The following VWA5B2 variants were observed in gnomAD, a reference collection of about 807,000 sequenced individuals.
VWA5B2 encodes the protein von Willebrand factor A domain-containing protein 5B2.
In VWA5B2, 93 loss-of-function variants were observed where a neutral mutation model predicts 118.5. The ratio of observed to expected loss-of-function variants is 0.79; its 90% CI spans 0.66 to 0.93. The LOEUF is 0.93. Ranked by LOEUF, VWA5B2 falls within the 40% of genes least tolerant of loss-of-function variation. VWA5B2 has a pLI of 0.00. For synonymous variants in VWA5B2, 708 were observed against 716.3 expected, an observed-to-expected ratio of 0.99 and a Z score of 0.19; for missense variants, 1,546 against 1,672.8, an observed-to-expected ratio of 0.92 and a Z score of 1.32.
rs1216876092 is a variant in VWA5B2, at chr3:184,233,422, G to A, written c.530+25G>A. 19 of 1,505,988 alleles carry A rather than the reference G, an allele frequency of 1.3e-5. No homozygotes were observed. Among genetic ancestry groups the A allele is most frequent in the South Asian group, 5.2e-5 (4 of 76,616 alleles). 93.3% of individuals were successfully genotyped at this position (1,505,988 alleles called of 1,614,324 possible). ...GGTTGGGCCTATGGTGATTCTCTTC[G>A]TCCCTCCCTCGGCTTCTCTGGGTCT... On this transcript the variant is annotated intron_variant, in intron 4 of 19. Transcript: ENST00000691901. This position sits in a 1 kb window ranked among gnomAD's most constrained non-coding sequence, Gnocchi z 5.2.
Position 184,238,511 on chromosome 3 carries a change from G to A in VWA5B2, c.1891+37G>A. 1 of 1,535,862 alleles carries A rather than the reference G, an allele frequency of 6.5e-7. No homozygotes were observed. Among genetic ancestry groups the A allele is most frequent in the Non-Finnish European group, 8.8e-7 (1 of 1,135,160 alleles). On this transcript the variant is annotated intron_variant, in intron 13 of 19. Transcript: ENST00000691901. This position sits in a 1 kb window ranked among gnomAD's most constrained non-coding sequence, Gnocchi z 5.0. ...GGTGTATGTGTGTGGCTGTATTGGA[G>A]TGGGCGCTGGGAGGGGTCAGGGCTA...
At chr3:184,230,330 G>C in intron 1 of VWA5B2, 50 bp from the exon 2 acceptor site, 1 of 573,816 alleles carries the variant, frequency 1.7e-6, no homozygotes, top group Non-Finnish European at 2.7e-6. Flanking sequence ...TGCCCTCCTC[G>C]CCACCACGCC....
At position 184,241,086 on chromosome 3, in the gene VWA5B2, C is replaced by T; in HGVS notation, c.2941C>T (p.Pro981Ser). 1 of 1,551,762 alleles carries T rather than the reference C, an allele frequency of 6.4e-7. No individual in the cohort carries two copies. Among genetic ancestry groups the T allele is most frequent in the Non-Finnish European group, 8.7e-7 (1 of 1,147,006 alleles). ...SHSHLDAAPL[P>S]TVVYSKGLQR... ...CAGCCATCTAGATGCAGCTCCTCTG[C>T]CCACTGTTGTCTACTCTAAAGGTAA... is the stretch of plus-strand genomic sequence containing the variant. Residue 981 changes from proline (P) to serine (S), a missense_variant, in exon 18 of 20, where the codon CCC becomes TCC. Physicochemically the swap from Pro to Ser is moderately conservative, Grantham distance 74 (BLOSUM62 -1). This residue lies in a region of VWA5B2 where 763 missense variants were observed against 766.6 expected (regional missense o/e 1.00). Transcript: ENST00000691901. This position sits in a 1 kb window ranked among gnomAD's most constrained non-coding sequence, Gnocchi z 5.1.
chr3:184,241,524 T>G lies in VWA5B2; in HGVS notation c.3215T>G (p.Leu1072Arg). 1.9e-6 allele frequency: 3 copies of G among 1,550,346 alleles called. No homozygotes were observed. The highest frequency in any genetic ancestry group is 2.6e-6 in the Non-Finnish European group (3 of 1,146,870). ...CAGGAGGCACCAGGCTCCTTCCGCC[T>G]GGACGCGCCCTTCTGCGCCGCTGTG... ...RLQEAPGSFR[L>R]DAPFCAAVRI... is the part of the protein sequence containing the mutation. Residue 1072 changes from leucine (L) to arginine (R), a missense_variant, in exon 20 of 20, where the codon CTG (leucine) becomes CGG (arginine). By Grantham distance (102) the Leu-to-Arg change is moderately radical. Coordinates refer to ENST00000691901, the MANE Select transcript of VWA5B2 (RefSeq NM_001390846.1). This position sits in a 1 kb window ranked among gnomAD's most constrained non-coding sequence, Gnocchi z 5.1.
rs1717699534 is a variant in VWA5B2 at position 184,234,102 on chromosome 3, T to C, written c.689-164T>C. Among the ~76,000 whole-genome samples the C allele has an allele frequency of 1.3e-5, 2 of 152,228 alleles. 1 individual carries two copies. Among genetic ancestry groups the C allele is most frequent in the Admixed American group, 1.3e-4 (2 of 15,284 alleles). On this transcript the variant is annotated intron_variant, in intron 5 of 19. Transcript: ENST00000691901. ...ACCAGCCAGAAACCCTGCTGGAATC[T>C]ACTTCCCAGCCCATGAAAGCAGGCA...
In VWA5B2 at chr3:184,241,344, T is replaced by C. The variant is rs1326873359; in HGVS notation, c.3120T>C (p.Cys1040=). Residue 1040 remains cysteine, a synonymous_variant, in exon 19 of 20, where the codon TGT becomes TGC. Coordinates refer to ENST00000691901, the MANE Select transcript of VWA5B2 (RefSeq NM_001390846.1). The surrounding 1 kb of genome is among the most constrained non-coding windows in gnomAD (Gnocchi z 5.1). ...GCATGGGCCGCCGTCACAAACTCTG[T>C]AGCCCTGACCCGGGCCAGGCCAACA... ...RLSMGRRHKL[C]SPDPGQANNS... is the part of the protein sequence containing the mutation. 27 of 1,552,456 alleles carry C rather than the reference T, an allele frequency of 1.7e-5. No individual in the cohort carries two copies. Among genetic ancestry groups the C allele is most frequent in the East Asian group, 4.9e-5 (2 of 41,030 alleles).
rs1174363050 is a variant in VWA5B2 at position 184,239,392 on chromosome 3, A to C, written c.2203-2A>C. 6.5e-7 allele frequency: 1 copy of C among 1,534,016 alleles called. No individual in the cohort carries two copies. Among genetic ancestry groups the C allele is most frequent in the Admixed American group, 2.0e-5 (1 of 49,744 alleles). On this transcript the variant is annotated splice_acceptor_variant, in intron 14 of 19. Transcript: ENST00000691901. LOFTEE classifies it high-confidence loss of function. This position sits in a 1 kb window ranked among gnomAD's most constrained non-coding sequence, Gnocchi z 5.1. ...CCAGTGGCCCCCATATCTCACATGC[A>C]GGTGGGGGCCTTGAGTACTGAGGTG...
Position 184,230,439 on chromosome 3 carries a change from C to T in VWA5B2, c.-90C>T, listed in dbSNP as rs1717261265. On this transcript the variant is annotated 5_prime_UTR_variant, in exon 2 of 20. Coordinates refer to ENST00000691901, the MANE Select transcript of VWA5B2 (RefSeq NM_001390846.1). ...CGTCCGGGTGCTGGAGTGAGACTCT[C>T]GCGCTGGCCTCTGGAGCGCGGGGTG... 7.6e-7 allele frequency: 1 copy of T among 1,321,566 alleles called. No homozygotes were observed. The highest frequency in any genetic ancestry group is 1.8e-5 in the South Asian group (1 of 56,094). 81.9% of individuals were successfully genotyped at this position (1,321,566 alleles called of 1,614,324 possible). A position where few individuals can be genotyped will look rare whatever the true frequency, so the allele number is the denominator to read the frequency against.
chr3:184,237,270 C>T lies in VWA5B2; in HGVS notation c.1578C>T (p.Asp526=). The T allele has an allele frequency of 6.4e-7, 1 of 1,551,732 alleles. No individual in the cohort carries two copies. Among genetic ancestry groups the T allele is most frequent in the Admixed American group, 2.0e-5 (1 of 51,006 alleles). The change falls in exon 12 of 20, where the codon GAC becomes GAT. Residue 526 remains aspartate, a synonymous_variant. Transcript: ENST00000691901. The surrounding 1 kb of genome is among the most constrained non-coding windows in gnomAD (Gnocchi z 5.6). ...LRKALEPALS[D]ISVDWFVPDT... is the part of the protein sequence containing the mutation. ...AGGCACTGGAGCCTGCTTTGAGTGA[C>T]ATCTCTGTGGACTGGTTTGTGCCCG...
chr3:184,232,782 A>G (rs1717527506), intron 3 of VWA5B2: 1 of 196,382 alleles, frequency 5.1e-6, no homozygotes, highest in Non-Finnish European at 1.0e-5. Flanking sequence ...GAAATTTATG[A>G]GCAGAGTGGG....
intron 1 of VWA5B2, among the ~76,000 whole-genome samples, chr3:184,230,161 G>A (rs1265902360): frequency 6.6e-6 from 1 of 152,192 alleles, no homozygotes; most frequent in Non-Finnish European, 1.5e-5. Flanking sequence ...GGCCCCGGGG[G>A]GCCGGCAGGT....
rs1194680511 is a variant in VWA5B2, at chr3:184,233,209, G to C, written c.342G>C (p.Arg114=). Residue 114 remains arginine (R), a synonymous_variant, in exon 4 of 20, where the codon CGG becomes CGC. Coordinates refer to ENST00000691901, the MANE Select transcript of VWA5B2 (RefSeq NM_001390846.1). This position sits in a 1 kb window ranked among gnomAD's most constrained non-coding sequence, Gnocchi z 5.2. ...GHLVLDLAQA[R]STLVLPTGII... is the part of the protein sequence containing the mutation. Reference sequence around the variant, plus strand: ...TTGTCTTGGATCTGGCCCAGGCCCGGTCCACGTTGGTGCTGCCCACAGGCA... The same window carrying C: ...TTGTCTTGGATCTGGCCCAGGCCCGCTCCACGTTGGTGCTGCCCACAGGCA... 1.2e-5 allele frequency: 18 copies of C among 1,550,800 alleles called. No homozygotes were observed. In the African/African-American group the frequency reaches 2.3e-4, roughly 20 times the overall value.
chr3:184,233,995 A>G lies in VWA5B2; in HGVS notation c.688+262A>G, dbSNP rs576130023. 1.3e-5 allele frequency among the ~76,000 whole-genome samples: 2 copies of G among 152,314 alleles called. No homozygotes were observed. Among genetic ancestry groups the G allele is most frequent in the Non-Finnish European group, 2.9e-5 (2 of 68,008 alleles). On this transcript the variant is annotated intron_variant, in intron 5 of 19. Transcript: ENST00000691901. The surrounding 1 kb of genome is among the most constrained non-coding windows in gnomAD (Gnocchi z 5.2). ...GAGAGATACTTACAATGGGACTAGT[A>G]CCTGTGATGAAGTAGGTTTTCCTTA...
At position 184,241,561 on chromosome 3, in the gene VWA5B2, G is replaced by C; in HGVS notation, c.3252G>C (p.Gln1084His). Residue 1084 changes from glutamine (Q) to histidine (H), a missense_variant, in exon 20 of 20, where the codon CAG becomes CAC. Gln to His is a conservative substitution (Grantham distance 24). This residue lies in a region of VWA5B2 where 763 missense variants were observed against 766.6 expected (regional missense o/e 1.00). Coordinates refer to ENST00000691901, the MANE Select transcript of VWA5B2 (RefSeq NM_001390846.1). This position sits in a 1 kb window ranked among gnomAD's most constrained non-coding sequence, Gnocchi z 5.1. Reference protein sequence around the residue: ...APFCAAVRISQERLCRASPFA... With the variant: ...APFCAAVRISHERLCRASPFA... ...TCTGCGCCGCTGTGCGCATCTCGCA[G>C]GAGCGCCTCTGCCGTGCCTCGCCCT... 1.3e-6 allele frequency: 2 copies of C among 1,549,214 alleles called. No homozygotes were observed. Among genetic ancestry groups the C allele is most frequent in the Non-Finnish European group, 1.7e-6 (2 of 1,146,770 alleles).
intron 16 of VWA5B2, 157 bp from the exon 17 acceptor site, chr3:184,240,634 A>T: frequency 9.9e-7 from 1 of 1,010,772 alleles, no homozygotes; most frequent in Non-Finnish European, 1.4e-6. Flanking sequence ...TTCTTGTCAA[A>T]GTTGGGGAGT....
In VWA5B2 at chr3:184,239,684, C is replaced by T. The variant is rs565285822; in HGVS notation, c.2393-5C>T. ...GCCCATGCCCCTGCTGTCTTGCCTCCCCAGGAAACCTGCTCTCCCCAGCCC... is the reference window on the plus strand; with the variant it reads ...GCCCATGCCCCTGCTGTCTTGCCTCTCCAGGAAACCTGCTCTCCCCAGCCC... On this transcript the variant is annotated splice_polypyrimidine_tract_variant and splice_region_variant and intron_variant, in intron 15 of 19. Coordinates refer to ENST00000691901, the MANE Select transcript of VWA5B2 (RefSeq NM_001390846.1). This position sits in a 1 kb window ranked among gnomAD's most constrained non-coding sequence, Gnocchi z 5.1. 123 of 1,465,174 alleles carry T rather than the reference C, an allele frequency of 8.4e-5. 1 individual carries two copies. The East Asian group carries it at 2.9e-3, about 35-fold the overall frequency. 90.8% of individuals were successfully genotyped at this position (1,465,174 alleles called of 1,614,324 possible).
At chr3:184,236,012 C>A in intron 8 of VWA5B2, 140 bp from the exon 9 acceptor site, 1 of 749,926 alleles carries the variant, frequency 1.3e-6, no homozygotes, top group Non-Finnish European at 2.2e-6. Flanking sequence ...GCACACTTTC[C>A]CTCACACCCA....
In VWA5B2 at chr3:184,239,720, G is replaced by A; in HGVS notation, c.2424G>A (p.Trp808Ter). ...TGCTCTCCCCAGCCCCTATGGACTG[G>A]GACATGCTGATGGAACCACCCTTCT... Reference protein sequence around the residue: ...GNLLSPAPMDWDMLMEPPFLF... With the variant: ...GNLLSPAPMD The change falls in exon 16 of 20, where the codon TGG (tryptophan) becomes TGA (stop). Residue 808 changes from tryptophan (W) to a stop codon, truncating the protein, a stop_gained. Coordinates refer to ENST00000691901, the MANE Select transcript of VWA5B2 (RefSeq NM_001390846.1). LOFTEE classifies it high-confidence loss of function. This position sits in a 1 kb window ranked among gnomAD's most constrained non-coding sequence, Gnocchi z 5.1. 6.7e-7 allele frequency: 1 copy of A among 1,493,174 alleles called. No individual in the cohort carries two copies. The highest frequency in any genetic ancestry group is 1.8e-4 in the Middle Eastern group (1 of 5,686). 92.5% of individuals were successfully genotyped at this position (1,493,174 alleles called of 1,614,324 possible).
chr3:184,230,310 C>T (rs1209738580), intron 1 of VWA5B2, 70 bp from the exon 2 acceptor site: 4 of 498,070 alleles, frequency 8.0e-6, no homozygotes, highest in African/African-American at 2.0e-5. Context: ...GCCCAGGTAA[C>T]GCGTGAGGAT....
Sources: gnomAD v4.1 joint callset for allele counts (sites outside exome capture counted in the v4.1 genomes callset) on GRCh38, gnomAD v4.1.1 for gene constraint, gnomAD v4.1.1 regional missense constraint, Gnocchi (gnomAD v3.1) non-coding constraint, MANE v1.5 for transcripts, NCBI Gene and HGNC (gene_info 2026-07-23, HGNC 2026-07-21) for gene names.